Variants in CHRNA7 observed in about 807,000 individuals in gnomAD.
CHRNA7 encodes neuronal acetylcholine receptor subunit alpha-7.
A neutral mutation model predicts 48.0 loss-of-function variants in CHRNA7; 17 were observed. That is an observed-to-expected ratio of 0.35 (90% CI 0.24 to 0.53). The LOEUF is 0.53. Among genes scored for constraint, CHRNA7 ranks in the 20% least tolerant of loss-of-function variants. The probability of loss-of-function intolerance (pLI) is 0.92; values close to 1 mark genes in which losing one functional copy is unlikely to be tolerated. For missense variants in CHRNA7, 155 were observed against 577.7 expected (o/e 0.27, Z 7.50); for synonymous variants, 75 against 242.3 (o/e 0.31, Z 6.41).
intron 2 of CHRNA7, among the ~76,000 whole-genome samples, chr15:32,034,777 T>A (rs2141160801): frequency 6.6e-6 from 1 of 152,248 alleles, no homozygotes; most frequent in Admixed American, 6.5e-5. Context: ...ACAACATGAG[T>A]CCTCAAAGGA....
chr15:32,152,571 G>A (rs2051653613), intron 4 of CHRNA7, among the ~76,000 whole-genome samples: 1 of 152,198 alleles, frequency 6.6e-6, no homozygotes. Flanking sequence ...AAGGAAGGGA[G>A]GAGCAGGGCA....
intron 2 of CHRNA7, among the ~76,000 whole-genome samples, chr15:32,084,894 A>G (rs2050270971): frequency 1.3e-5 from 2 of 150,700 alleles, no homozygotes; most frequent in Non-Finnish European, 1.5e-5. Context: ...GTGTAACGGC[A>G]CGATCACAGC....
chr15:32,136,782 G>A (rs189819178), intron 4 of CHRNA7, among the ~76,000 whole-genome samples: 1,810 of 151,792 alleles, frequency 0.012, 41 homozygotes, highest in African/African-American at 0.042. Flanking sequence ...CTGTAATCCC[G>A]GCACTGTGGG....
intron 2 of CHRNA7, among the ~76,000 whole-genome samples, chr15:32,041,791 G>A (rs556993544): frequency 1.3e-5 from 2 of 152,266 alleles, no homozygotes; most frequent in South Asian, 2.1e-4. Flanking sequence ...CTACTAGTAA[G>A]CCTATCAAAT....
chr15:32,063,495 C>T (rs767039425), intron 2 of CHRNA7, among the ~76,000 whole-genome samples: 3 of 152,140 alleles, frequency 2.0e-5, no homozygotes, highest in Non-Finnish European at 4.4e-5. Flanking sequence ...TCTGTGGAGA[C>T]CAGCAGTGCC....
chr15:32,090,044 G>A (rs1244634645), intron 2 of CHRNA7, among the ~76,000 whole-genome samples: 1 of 152,276 alleles, frequency 6.6e-6, no homozygotes, highest in Admixed American at 6.5e-5. Flanking sequence ...TGGGGATGAG[G>A]GGAAGAAGTG....
chr15:32,053,548 T>C (rs539266625), intron 2 of CHRNA7, among the ~76,000 whole-genome samples: 9 of 152,328 alleles, frequency 5.9e-5, no homozygotes, highest in Admixed American at 4.6e-4. Context: ...TGGGCATATT[T>C]ATGTGTGTGT....
intron 4 of CHRNA7, among the ~76,000 whole-genome samples, chr15:32,136,369 T>C (rs1411980722): frequency 1.3e-5 from 2 of 151,782 alleles, no homozygotes; most frequent in Non-Finnish European, 2.9e-5. Flanking sequence ...CATGTGCCTG[T>C]AGTCCCAGCT....
At chr15:32,101,634 C>T in intron 3 of CHRNA7, 1 of 364,446 alleles carries the variant, frequency 2.7e-6, no homozygotes, top group Non-Finnish European at 4.8e-6. Flanking sequence ...AGATACAGGG[C>T]TGTGTGTAGA....
intron 2 of CHRNA7, among the ~76,000 whole-genome samples, chr15:32,034,045 T>A (rs1901969254): frequency 6.6e-6 from 1 of 152,214 alleles, no homozygotes; most frequent in Non-Finnish European, 1.5e-5. Context: ...CTTTCAGAGA[T>A]CTCATGAGCT....
At chr15:32,046,317 C>T (rs1289207310) in intron 2 of CHRNA7, among the ~76,000 whole-genome samples, 1 of 144,160 alleles carries the variant, frequency 6.9e-6, no homozygotes, top group Non-Finnish European at 1.5e-5. Flanking sequence ...TCTCCACATG[C>T]TCTCCAGCAC....
At chr15:32,067,800 A>C (rs1264836863) in intron 2 of CHRNA7, among the ~76,000 whole-genome samples, 1 of 152,248 alleles carries the variant, frequency 6.6e-6, no homozygotes, top group Admixed American at 6.5e-5. Context: ...TTTGTACACT[A>C]TTGCTTTAAG....
At chr15:32,048,337 A>G (rs1035458170) in intron 2 of CHRNA7, among the ~76,000 whole-genome samples, 4 of 152,148 alleles carry the variant, frequency 2.6e-5, no homozygotes, top group Admixed American at 1.3e-4. Context: ...GATTATTGCC[A>G]CAATTTCAGC....
chr15:32,058,342 G>T (rs1156676488), intron 2 of CHRNA7, among the ~76,000 whole-genome samples: 1 of 152,200 alleles, frequency 6.6e-6, no homozygotes, highest in African/African-American at 2.4e-5. Flanking sequence ...TACCTTCATT[G>T]TTTCTGACAG....
At position 32,139,045 on chromosome 15, in the gene CHRNA7, C is replaced by G. The variant is rs563249860; in HGVS notation, c.351-14862C>G. On this transcript the variant is annotated intron_variant, in intron 4 of 9. Transcript: ENST00000306901. ...CTGGGATTACAGGCGTGAGCCACTG[C>G]GCCCGGCCTGATCTGTTTTGCTGTC... Among the ~76,000 whole-genome samples the G allele has an allele frequency of 2.6e-5, 4 of 152,308 alleles. No individual in the cohort carries two copies. The South Asian group carries it at 6.2e-4, about 24-fold the overall frequency.
At chr15:32,137,343 C>CA (rs1464110691) in intron 4 of CHRNA7, among the ~76,000 whole-genome samples, 22 of 151,538 alleles carry the variant, frequency 1.5e-4, no homozygotes, top group African/African-American at 5.1e-4. Context: ...ACACCCCCCC[C>CA]CCACACAAAC....
Position 32,094,759 on chromosome 15 carries a change from C to T in CHRNA7, c.196-6544C>T, listed in dbSNP as rs143410479. Among the ~76,000 whole-genome samples the T allele has an allele frequency of 5.7e-3, 861 of 152,098 alleles. 8 individuals carry two copies. The highest frequency in any genetic ancestry group is 0.019 in the African/African-American group (804 of 41,468). ...CACTGCAAGCTCCGCCTCCCAGGTT[C>T]GTGCCATTCTCCTGCCTCAGCCTCC... On this transcript the variant is annotated intron_variant, in intron 2 of 9. Transcript: ENST00000306901.
intron 2 of CHRNA7, among the ~76,000 whole-genome samples, chr15:32,079,099 C>T (rs1169294489): frequency 6.6e-6 from 1 of 152,194 alleles, no homozygotes; most frequent in Non-Finnish European, 1.5e-5. Flanking sequence ...TAAAATTAAA[C>T]ATCCCTTCAT....
intron 4 of CHRNA7, among the ~76,000 whole-genome samples, chr15:32,121,485 G>A (rs529119445): frequency 2.0e-4 from 31 of 152,298 alleles, no homozygotes; most frequent in African/African-American, 6.0e-4. Flanking sequence ...CCACATCCTC[G>A]TGCCTTTCCC....
Sources: gnomAD v4.1 joint callset for allele counts (sites outside exome capture counted in the v4.1 genomes callset) on GRCh38, gnomAD v4.1.1 for gene constraint, MANE v1.5 for transcripts, NCBI Gene and HGNC (gene_info 2026-07-23, HGNC 2026-07-21) for gene names.